Variants in ANO1 observed in about 807,000 individuals in gnomAD.
ANO1 encodes the protein anoctamin 1, also known as anoctamin-1.
In ANO1, 59 loss-of-function variants were observed where a neutral mutation model predicts 124.0. The ratio of observed to expected loss-of-function variants is 0.48; its 90% confidence interval spans 0.39 to 0.59. The LOEUF (loss-of-function observed/expected upper bound fraction) is 0.59. ANO1 is among the 20% of genes least tolerant of loss of function. The probability of loss-of-function intolerance (pLI) is 0.00; values close to 1 mark genes in which losing one functional copy is unlikely to be tolerated. For missense variants in ANO1, 1,059 were observed against 1,328.0 expected (o/e 0.80, Z 3.15); for synonymous variants, 529 against 532.0 (o/e 0.99, Z 0.08).
intron 1 of ANO1, chr11:70,065,142 T>C (rs961965278): frequency 1.3e-5 from 2 of 148,982 alleles, no homozygotes; most frequent in African/African-American, 2.6e-5. Context: ...GTAGCTCTGA[T>C]TTTTTTTTCT....
At chr11:70,065,832 G>A (rs1242500720) in intron 1 of ANO1, among the ~76,000 whole-genome samples, 1 of 152,110 alleles carries the variant, frequency 6.6e-6, no homozygotes, top group Non-Finnish European at 1.5e-5. Context: ...CTGGCTCCTG[G>A]GGAGAAGATC....
At chr11:70,049,681 G>A (rs553966659) in intron 1 of ANO1, among the ~76,000 whole-genome samples, 2 of 146,538 alleles carry the variant, frequency 1.4e-5, no homozygotes, top group South Asian at 2.3e-4. Context: ...ATCTACATGC[G>A]GTCTATGTTT....
intron 1 of ANO1, among the ~76,000 whole-genome samples, chr11:70,066,420 T>C (rs1301492169): frequency 6.6e-6 from 1 of 152,156 alleles, no homozygotes; most frequent in Non-Finnish European, 1.5e-5. Flanking sequence ...CCACATGACT[T>C]GTCCAAAGAC....
At chr11:69,974,335 CAATAAT>C in the ANO1 span, among the ~76,000 whole-genome samples, 1 of 152,140 alleles carries the variant, frequency 6.6e-6, no homozygotes, top group African/African-American at 2.4e-5. Context: ...AAAATAATAA[CAATAAT>C]AACAATATTT....
intron 6 of ANO1, 135 bp downstream of exon 6, chr11:70,108,539 C>A (rs2045649400): frequency 2.0e-6 from 2 of 979,240 alleles, no homozygotes. Flanking sequence ...TGTAACAGTT[C>A]CAGACAAGAG....
At chr11:70,120,757 T>C (rs1373076754) in intron 8 of ANO1, among the ~76,000 whole-genome samples, 2 of 152,112 alleles carry the variant, frequency 1.3e-5, no homozygotes, top group East Asian at 1.9e-4. Flanking sequence ...GTGGCAGCCA[T>C]GTGAGTCCTG....
At chr11:70,068,888 C>T (rs1444381688) in intron 1 of ANO1, among the ~76,000 whole-genome samples, 1 of 152,168 alleles carries the variant, frequency 6.6e-6, no homozygotes, top group Non-Finnish European at 1.5e-5. Context: ...AAGGCTGTTA[C>T]CATGCTCTCT....
At position 70,078,721 on chromosome 11, in the gene ANO1, G is replaced by C; in HGVS notation, c.108+7G>C. The C allele has an allele frequency of 1.4e-6, 2 of 1,461,860 alleles. No homozygotes were observed. Among genetic ancestry groups the C allele is most frequent in the Non-Finnish European group, 1.8e-6 (2 of 1,093,138 alleles). 90.6% of individuals were successfully genotyped at this position (1,461,860 alleles called of 1,614,324 possible). ...CCTGCCGTCCGAGGGCACGGTGAGT[G>C]CGGGCGGCCGCGACCCGGGCGGGAG... On this transcript the variant is annotated splice_region_variant and intron_variant, in intron 1 of 25. Coordinates refer to ENST00000355303, the MANE Select transcript of ANO1 (RefSeq NM_018043.7).
At chr11:70,143,720 CAT>C (rs763455039) in intron 11 of ANO1, among the ~76,000 whole-genome samples, 13 of 152,342 alleles carry the variant, frequency 8.5e-5, no homozygotes, top group South Asian at 8.3e-4. Context: ...GGTAACCACA[CAT>C]GTGTGTGTCC....
chr11:69,988,045 G>A (rs578225028), intron 1 of ANO1, among the ~76,000 whole-genome samples: 22 of 152,280 alleles, frequency 1.4e-4, no homozygotes, highest in Middle Eastern at 3.4e-3. Flanking sequence ...TCCCAGCCTC[G>A]GTTCTTGGGT....
chr11:70,151,299 T>C (rs2047593785), intron 12 of ANO1, among the ~76,000 whole-genome samples: 1 of 152,212 alleles, frequency 6.6e-6, no homozygotes, highest in Non-Finnish European at 1.5e-5. Flanking sequence ...TCAGCCGATC[T>C]CATTATCCTG....
intron 1 of ANO1, among the ~76,000 whole-genome samples, chr11:70,040,007 A>G (rs1332378141): frequency 1.3e-5 from 2 of 152,140 alleles, no homozygotes; most frequent in African/African-American, 2.4e-5. Flanking sequence ...TAGGTCCCCA[A>G]CTATATTCCT....
intron 2 of ANO1, among the ~76,000 whole-genome samples, chr11:70,097,521 C>T (rs1056090466): frequency 3.9e-5 from 6 of 152,216 alleles, no homozygotes; most frequent in Non-Finnish European, 7.3e-5. Flanking sequence ...CCATCTTGCC[C>T]GCGTGCCCTC....
chr11:70,123,454 C>T (rs2046375814), intron 8 of ANO1, among the ~76,000 whole-genome samples: 1 of 152,246 alleles, frequency 6.6e-6, no homozygotes, highest in Admixed American at 6.5e-5. Context: ...GGCTCACACT[C>T]ACTTCCTGCC....
In ANO1 at chr11:70,152,083, C is replaced by T. The variant is rs113199511; in HGVS notation, c.1342-367C>T. Among the ~76,000 whole-genome samples, 1,128 of 152,186 alleles carry T rather than the reference C, an allele frequency of 7.4e-3. 20 individuals carry two copies. The highest frequency in any genetic ancestry group is 0.026 in the African/African-American group (1,082 of 41,532). ...CGGGCGCGGTGGCTCACGCCTGTAA[C>T]CCCAGCACTTTGGGAGGCCGAGGAG... On this transcript the variant is annotated intron_variant, in intron 12 of 25. Coordinates refer to ENST00000355303, the MANE Select transcript of ANO1 (RefSeq NM_018043.7).
At chr11:69,969,654 G>A in the ANO1 span, among the ~76,000 whole-genome samples, 1 of 152,162 alleles carries the variant, frequency 6.6e-6, no homozygotes, top group African/African-American at 2.4e-5. Flanking sequence ...GGAGCCTCAA[G>A]AGACCCGGAT....
chr11:70,051,133 A>C (rs1406182756), intron 1 of ANO1, among the ~76,000 whole-genome samples: 1 of 152,160 alleles, frequency 6.6e-6, no homozygotes, highest in African/African-American at 2.4e-5. Context: ...CAAGCTAAAG[A>C]ACATTACCAG....
intron 25 of ANO1, among the ~76,000 whole-genome samples, chr11:70,186,773 C>G (rs940019398): frequency 6.6e-6 from 1 of 152,222 alleles, no homozygotes; most frequent in African/African-American, 2.4e-5. Flanking sequence ...ATTCTGGAAT[C>G]CCCAAGACTG....
intron 11 of ANO1, among the ~76,000 whole-genome samples, chr11:70,136,520 G>GAAC (rs2046962024): frequency 8.4e-6 from 1 of 119,514 alleles, no homozygotes; most frequent in Non-Finnish European, 2.0e-5. Context: ...TGGGGCTTCT[G>GAAC]CCTGGAGTTT....
Sources: allele counts gnomAD v4.1 joint callset (sites outside exome capture counted in the v4.1 genomes callset), GRCh38; gene constraint gnomAD v4.1.1; transcripts MANE v1.5; gene names NCBI Gene and HGNC (gene_info 2026-07-23, HGNC 2026-07-21).